KCNIP4: variants seen among roughly 807,000 people sequenced by gnomAD.
The protein encoded by KCNIP4 is Kv channel-interacting protein 4.
Under a neutral mutation model 34.0 loss-of-function variants are expected in KCNIP4, and 12 were observed. The ratio of observed to expected loss-of-function variants is 0.35; its 90% CI spans 0.23 to 0.57. KCNIP4 has a LOEUF of 0.57. Ranked by LOEUF, KCNIP4 falls within the 20% of genes least tolerant of loss-of-function variation. KCNIP4 has a pLI of 0.83. For missense variants in KCNIP4, 238 were observed against 311.7 expected, an observed-to-expected ratio of 0.76 and a Z score of 1.78; for synonymous variants, 124 against 102.2, an observed-to-expected ratio of 1.21 and a Z score of -1.29.
At chr4:21,306,820 A>G (rs1336075807) in intron 1 of KCNIP4, among the ~76,000 whole-genome samples, 1 of 149,766 alleles carries the variant, frequency 6.7e-6, no homozygotes, top group African/African-American at 2.5e-5. Flanking sequence ...GTAGGCAGGA[A>G]CTTTTTTTTT....
intron 1 of KCNIP4, among the ~76,000 whole-genome samples, chr4:21,694,470 TTATA>T (rs569523165): frequency 9.9e-4 from 151 of 152,226 alleles, no homozygotes; most frequent in African/African-American, 3.2e-3. Context: ...AATACAGACA[TTATA>T]TATGTTTGTA....
chr4:21,868,928 A>G (rs79243345), intron 1 of KCNIP4, among the ~76,000 whole-genome samples: 2 of 152,258 alleles, frequency 1.3e-5, no homozygotes, highest in Non-Finnish European at 2.9e-5. Flanking sequence ...GCTGACGGCA[A>G]CAGGATTATT....
chr4:21,548,589 G>C (rs76841619), intron 1 of KCNIP4, among the ~76,000 whole-genome samples: 1 of 149,256 alleles, frequency 6.7e-6, no homozygotes, highest in Non-Finnish European at 1.5e-5. Context: ...AAAAAAAAAA[G>C]CAAACTATCT....
At chr4:21,023,899 A>G (rs1740304216) in intron 1 of KCNIP4, among the ~76,000 whole-genome samples, 1 of 152,144 alleles carries the variant, frequency 6.6e-6, no homozygotes, top group Non-Finnish European at 1.5e-5. Context: ...ACGAAAAAAG[A>G]AAAATCACAA....
intron 1 of KCNIP4, among the ~76,000 whole-genome samples, chr4:21,007,363 T>C (rs1190003256): frequency 2.6e-5 from 4 of 152,196 alleles, no homozygotes; most frequent in Non-Finnish European, 5.9e-5. Context: ...GCAGTGTCCA[T>C]GTTCCAGGGT....
intron 1 of KCNIP4, among the ~76,000 whole-genome samples, chr4:21,471,028 C>G (rs35733464): frequency 0.12 from 18,962 of 152,070 alleles, 1,346 homozygotes; most frequent in South Asian, 0.21. Flanking sequence ...AATGCTCTCC[C>G]TACCTCCAGG....
intron 3 of KCNIP4, among the ~76,000 whole-genome samples, chr4:20,784,700 T>A (rs1711713861): frequency 6.6e-6 from 1 of 152,154 alleles, no homozygotes; most frequent in Non-Finnish European, 1.5e-5. Context: ...AGGGTGGGTA[T>A]GCTGGATGCA....
chr4:21,878,088 C>T (rs1446384659), intron 1 of KCNIP4, among the ~76,000 whole-genome samples: 2 of 152,106 alleles, frequency 1.3e-5, no homozygotes, highest in Admixed American at 6.6e-5. Context: ...CTCTCTGTTG[C>T]CCAGGCTGGA....
intron 1 of KCNIP4, among the ~76,000 whole-genome samples, chr4:21,040,622 C>T (rs904702920): frequency 1.3e-5 from 2 of 152,034 alleles, no homozygotes; most frequent in African/African-American, 2.4e-5. Flanking sequence ...TAAAACCTTC[C>T]TTCTTTACTG....
intron 1 of KCNIP4, among the ~76,000 whole-genome samples, chr4:21,418,164 C>T (rs1725136731): frequency 6.6e-6 from 1 of 152,138 alleles, no homozygotes; most frequent in Admixed American, 6.6e-5. Flanking sequence ...TACACACACA[C>T]TCTCTCCCTC....
intron 1 of KCNIP4, among the ~76,000 whole-genome samples, chr4:21,365,029 G>A (rs903402103): frequency 6.6e-6 from 1 of 152,144 alleles, no homozygotes; most frequent in East Asian, 1.9e-4. Flanking sequence ...GAAAAGCCAA[G>A]TTTATATCAA....
At chr4:21,317,439 T>A (rs1713885835) in intron 1 of KCNIP4, among the ~76,000 whole-genome samples, 1 of 152,140 alleles carries the variant, frequency 6.6e-6, no homozygotes, top group East Asian at 1.9e-4. Flanking sequence ...ATGGAGGAAA[T>A]CAAATGAGCA....
intron 1 of KCNIP4, among the ~76,000 whole-genome samples, chr4:20,978,599 A>G (rs1423240867): frequency 6.6e-6 from 1 of 152,126 alleles, no homozygotes; most frequent in African/African-American, 2.4e-5. Flanking sequence ...CAGTACTTGG[A>G]TAAGCACCAT....
intron 1 of KCNIP4, among the ~76,000 whole-genome samples, chr4:21,542,113 T>C (rs1269872193): frequency 9.2e-5 from 14 of 152,310 alleles, no homozygotes; most frequent in Admixed American, 7.2e-4. Flanking sequence ...GTTTTATTTA[T>C]GGGTTCATAG....
chr4:21,291,808 C>T (rs1302354179), intron 1 of KCNIP4, among the ~76,000 whole-genome samples: 2 of 143,062 alleles, frequency 1.4e-5, no homozygotes, highest in Non-Finnish European at 3.0e-5. Flanking sequence ...GAGTCAAGAT[C>T]GCGCCGCTGC....
chr4:21,740,756 G>C (rs1716345135), intron 1 of KCNIP4, among the ~76,000 whole-genome samples: 1 of 152,082 alleles, frequency 6.6e-6, no homozygotes, highest in South Asian at 2.1e-4. Flanking sequence ...AAAATCTGAT[G>C]GAGAATCTGG....
chr4:21,040,825 T>C (rs1741888752), intron 1 of KCNIP4, among the ~76,000 whole-genome samples: 1 of 151,904 alleles, frequency 6.6e-6, no homozygotes, highest in South Asian at 2.1e-4. Flanking sequence ...GGCTTTAAAA[T>C]GGCTTATCCA....
chr4:20,781,942 G>A (rs1399077281), intron 3 of KCNIP4, among the ~76,000 whole-genome samples: 2 of 152,154 alleles, frequency 1.3e-5, no homozygotes, highest in African/African-American at 2.4e-5. Flanking sequence ...TCACAAGCAA[G>A]CTAGTTACTT....
chr4:21,706,071 C>G (rs1225262308), intron 1 of KCNIP4, among the ~76,000 whole-genome samples: 2 of 152,126 alleles, frequency 1.3e-5, no homozygotes, highest in Non-Finnish European at 2.9e-5. Flanking sequence ...GAGAACTATA[C>G]AAATATCACA....
Sources: gnomAD v4.1 joint callset for allele counts (sites outside exome capture counted in the v4.1 genomes callset) on GRCh38, gnomAD v4.1.1 for gene constraint, MANE v1.5 for transcripts, NCBI Gene and HGNC (gene_info 2026-07-23, HGNC 2026-07-21) for gene names.